C12orf42: variants seen among roughly 807,000 people sequenced by gnomAD.
C12orf42 encodes chromosome 12 open reading frame 42, also known as uncharacterized protein C12orf42.
In C12orf42, 25 loss-of-function variants were observed where a neutral mutation model predicts 21.6. That is an observed-to-expected ratio of 1.16 (90% CI 0.84 to 1.62). The LOEUF is 1.62. C12orf42 is among the 40% of genes most tolerant of loss of function. C12orf42 has a pLI of 0.00. For synonymous variants in C12orf42, 174 were observed against 175.0 expected (o/e 0.99, Z 0.05); for missense variants, 483 against 459.3 (o/e 1.05, Z -0.47).
At chr12:103,353,766 C>T (rs564185450) in intron 4 of C12orf42, among the ~76,000 whole-genome samples, 4 of 152,290 alleles carry the variant, frequency 2.6e-5, no homozygotes, top group South Asian at 2.1e-4. Flanking sequence ...CCAAACACTT[C>T]GCAAGACAGT....
At chr12:103,240,232 T>C (rs1460300924) in intron 10 of C12orf42, among the ~76,000 whole-genome samples, 1 of 152,170 alleles carries the variant, frequency 6.6e-6, no homozygotes. Flanking sequence ...ATCATAGAGA[T>C]CCTCAAAATG....
chr12:103,197,806 G>C, the C12orf42 span, among the ~76,000 whole-genome samples: 1 of 152,140 alleles, frequency 6.6e-6, no homozygotes, highest in Non-Finnish European at 1.5e-5. Flanking sequence ...AACCGGCTTT[G>C]TTTCTGGATG....
intron 4 of C12orf42, among the ~76,000 whole-genome samples, chr12:103,324,286 T>G (rs1200211136): frequency 6.6e-6 from 1 of 152,106 alleles, no homozygotes; most frequent in Non-Finnish European, 1.5e-5. Context: ...ACTGATTCAG[T>G]AGAGTAGAAG....
At chr12:103,228,643 A>G in the C12orf42 span, among the ~76,000 whole-genome samples, 1 of 152,048 alleles carries the variant, frequency 6.6e-6, no homozygotes, top group Non-Finnish European at 1.5e-5. Flanking sequence ...GGATGAAGGG[A>G]AGGCTTCTGT....
At chr12:103,134,294 G>A in the C12orf42 span, among the ~76,000 whole-genome samples, 50 of 152,014 alleles carry the variant, frequency 3.3e-4, 1 homozygote, top group South Asian at 7.9e-3. Context: ...CAAGTAAAAA[G>A]TTTAAAATAT....
At position 103,304,239 on chromosome 12, in the gene C12orf42, T is replaced by G. The variant is rs147708156; in HGVS notation, c.632-1680A>C. On this transcript the variant is annotated intron_variant, in intron 5 of 5. Transcript: ENST00000548883. ...CACAGGGTTGCTAGTGAGATTAAAT[T>G]TGTTCATTCATTTATTAATATTTGA... 4.7e-3 allele frequency among the ~76,000 whole-genome samples: 722 copies of G among 152,332 alleles called. 3 individuals carry two copies. Among genetic ancestry groups the G allele is most frequent in the Non-Finnish European group, 8.0e-3 (547 of 68,034 alleles).
At chr12:103,220,101 T>C in the C12orf42 span, among the ~76,000 whole-genome samples, 6 of 152,300 alleles carry the variant, frequency 3.9e-5, no homozygotes, top group Non-Finnish European at 7.4e-5. Flanking sequence ...TGAATTCATG[T>C]CCTTTGCAGG....
the C12orf42 span, among the ~76,000 whole-genome samples, chr12:103,187,717 G>A: frequency 3.3e-5 from 5 of 152,132 alleles, no homozygotes; most frequent in Non-Finnish European, 2.9e-5. Flanking sequence ...GGCTGGAATT[G>A]TTGTCATTTT....
intron 1 of C12orf42, among the ~76,000 whole-genome samples, chr12:103,485,531 G>T (rs888917075): frequency 1.3e-5 from 2 of 152,040 alleles, no homozygotes; most frequent in South Asian, 4.2e-4. Context: ...AGCTTGATGG[G>T]GATAGCACTG....
the C12orf42 span, among the ~76,000 whole-genome samples, chr12:103,181,127 T>C: frequency 1.3e-5 from 2 of 151,878 alleles, no homozygotes. Context: ...CTGGGCATGG[T>C]GGCACACACC....
the C12orf42 span, among the ~76,000 whole-genome samples, chr12:103,546,506 A>C: frequency 6.6e-6 from 1 of 152,238 alleles, no homozygotes; most frequent in Non-Finnish European, 1.5e-5. Flanking sequence ...CTTAGCAGAA[A>C]GAATATTTCC....
the C12orf42 span, among the ~76,000 whole-genome samples, chr12:103,218,054 G>A: frequency 6.6e-6 from 1 of 152,304 alleles, no homozygotes; most frequent in East Asian, 1.9e-4. Context: ...GGCGAGGTGA[G>A]TGGATTACCT....
intron 1 of C12orf42, among the ~76,000 whole-genome samples, chr12:103,491,482 A>G (rs1955181289): frequency 6.6e-6 from 1 of 152,242 alleles, no homozygotes; most frequent in South Asian, 2.1e-4. Flanking sequence ...GGCGAGATTA[A>G]AGAAAGCCTT....
At chr12:103,182,437 A>G in the C12orf42 span, among the ~76,000 whole-genome samples, 5 of 152,218 alleles carry the variant, frequency 3.3e-5, no homozygotes, top group African/African-American at 1.2e-4. Flanking sequence ...AAAATGGCAA[A>G]GAGGAGGAGC....
intron 2 of C12orf42, chr12:103,478,103 C>T (rs1954192817): frequency 2.6e-6 from 1 of 388,088 alleles, no homozygotes; most frequent in Non-Finnish European, 4.6e-6. Flanking sequence ...AAAGACAACA[C>T]ATTTCTAAGT....
chr12:103,139,193 T>G, the C12orf42 span, among the ~76,000 whole-genome samples: 1 of 152,192 alleles, frequency 6.6e-6, no homozygotes, highest in Non-Finnish European at 1.5e-5. Context: ...AAGTGTTCAC[T>G]TCTCTAGCCC....
At chr12:103,204,621 T>C in the C12orf42 span, among the ~76,000 whole-genome samples, 3 of 152,194 alleles carry the variant, frequency 2.0e-5, no homozygotes, top group East Asian at 1.9e-4. Context: ...CTCAAAATGC[T>C]TTTTTAGGAA....
chr12:103,335,805 G>A (rs2041640866), intron 4 of C12orf42, among the ~76,000 whole-genome samples: 1 of 152,224 alleles, frequency 6.6e-6, no homozygotes, highest in Non-Finnish European at 1.5e-5. Context: ...CAGAATAAAT[G>A]AGCAGAGGGG....
intron 3 of C12orf42, among the ~76,000 whole-genome samples, chr12:103,374,826 G>A (rs1157312845): frequency 6.6e-6 from 1 of 152,200 alleles, no homozygotes; most frequent in Non-Finnish European, 1.5e-5. Flanking sequence ...CCTAGAGCAA[G>A]CAGGTTGGAC....
Sources: gnomAD v4.1 joint callset for allele counts (sites outside exome capture counted in the v4.1 genomes callset) on GRCh38, gnomAD v4.1.1 for gene constraint, MANE v1.5 for transcripts, NCBI Gene and HGNC (gene_info 2026-07-23, HGNC 2026-07-21) for gene names.